The following NDUFAF6 variants were observed in gnomAD, a reference collection of about 807,000 sequenced individuals.
The protein encoded by NDUFAF6 is NADH dehydrogenase (ubiquinone) complex I, assembly factor 6.
In NDUFAF6, 45 loss-of-function variants were observed where a neutral mutation model predicts 40.8. The observed-to-expected ratio is 1.10, with a 90% CI of 0.87 to 1.42. The LOEUF is 1.42. NDUFAF6 is among the 40% of genes most tolerant of loss of function. The pLI is 0.00. For missense variants in NDUFAF6, 435 were observed against 418.5 expected (o/e 1.04, Z -0.34); for synonymous variants, 185 against 155.9 (o/e 1.19, Z -1.39).
chr8:94,988,719 C>G (rs1204529392), intron 2 of NDUFAF6: 1 of 152,204 alleles, frequency 6.6e-6, no homozygotes, highest in African/African-American at 2.4e-5. Flanking sequence ...GCCAGGGGAC[C>G]TGGCTTTGAA....
At chr8:95,060,651 A>G (rs376282154), downstream of NDUFAF6, among the ~76,000 whole-genome samples, 8 of 152,342 alleles carry the variant, frequency 5.3e-5, no homozygotes, top group African/African-American at 1.9e-4. Flanking sequence ...CAGAGATGTT[A>G]AGTTCAAGGT....
At chr8:95,063,495 G>A (rs551753638), downstream of NDUFAF6, among the ~76,000 whole-genome samples, 24 of 152,254 alleles carry the variant, frequency 1.6e-4, no homozygotes, top group South Asian at 4.8e-3. Flanking sequence ...TACTTAGGCG[G>A]CTGAGGTAGG....
intron 1 of NDUFAF6, among the ~76,000 whole-genome samples, chr8:94,979,326 C>T (rs1402399319): frequency 6.6e-6 from 1 of 152,178 alleles, no homozygotes; most frequent in Non-Finnish European, 1.5e-5. Context: ...GAGGTGAGGA[C>T]CTGGGGCTTC....
intron 1 of NDUFAF6, among the ~76,000 whole-genome samples, chr8:94,976,227 G>A (rs1303033394): frequency 4.3e-3 from 4 of 922 alleles, no homozygotes; most frequent in South Asian, 0.17. Flanking sequence ...TGTTTGGGCC[G>A]GGTGGTGGTG....
chr8:94,985,469 A>T (rs528648187), intron 2 of NDUFAF6, among the ~76,000 whole-genome samples: 45 of 1,014 alleles, frequency 0.044, no homozygotes, highest in Non-Finnish European at 0.081. Flanking sequence ...AACAATAATT[A>T]TATATATATA....
At chr8:94,962,835 G>A (rs577920510) in intron 1 of NDUFAF6, among the ~76,000 whole-genome samples, 1 of 147,796 alleles carries the variant, frequency 6.8e-6, no homozygotes, top group African/African-American at 2.5e-5. Flanking sequence ...GTGTTGCCCA[G>A]GCTGGAATGC....
At chr8:94,999,940 G>C (rs1826640672) in intron 2 of NDUFAF6, among the ~76,000 whole-genome samples, 1 of 152,006 alleles carries the variant, frequency 6.6e-6, no homozygotes. Context: ...GGCCAGATGT[G>C]GTGGCTCATA....
chr8:95,087,083 A>ATTTT (rs1351116514), intron 2 of NDUFAF6, among the ~76,000 whole-genome samples: 108 of 150,334 alleles, frequency 7.2e-4, no homozygotes, highest in East Asian at 5.5e-3. Context: ...TTTTTTTTAA[A>ATTTT]AAATTCTGCA....
chr8:94,909,378 A>G, intron 1 of NDUFAF6, among the ~76,000 whole-genome samples: 1 of 76,118 alleles, frequency 1.3e-5, no homozygotes, highest in African/African-American at 4.3e-5. Context: ...AAAAAAAAAA[A>G]AAAACACTTC....
intron 2 of NDUFAF6, among the ~76,000 whole-genome samples, chr8:95,019,522 GC>G (rs1178884643): frequency 1.3e-5 from 2 of 152,144 alleles, no homozygotes; most frequent in African/African-American, 4.8e-5. Context: ...TCGCAGGTAT[GC>G]CCCAGAATGG....
chr8:95,077,506 T>C (rs1165331873), downstream of NDUFAF6, among the ~76,000 whole-genome samples: 1 of 152,242 alleles, frequency 6.6e-6, no homozygotes, highest in Non-Finnish European at 1.5e-5. Context: ...GGATGATTCA[T>C]GTCCCAGGTA....
chr8:95,043,490 A>G lies in NDUFAF6; in HGVS notation c.477+1864A>G, dbSNP rs538639936. ...ATTATTTGCCAGTTATATATCTGATAAGGGACAATTATCTAAAATATGCAA... is the reference window on the plus strand; with the variant it reads ...ATTATTTGCCAGTTATATATCTGATGAGGGACAATTATCTAAAATATGCAA... On this transcript the variant is annotated intron_variant, in intron 4 of 8. Coordinates refer to ENST00000396124, the MANE Select transcript of NDUFAF6 (RefSeq NM_152416.4). 2.0e-5 allele frequency among the ~76,000 whole-genome samples: 3 copies of G among 152,246 alleles called. 1 individual carries two copies. In the East Asian group the frequency reaches 5.8e-4, roughly 29 times the overall value.
intron 8 of NDUFAF6, among the ~76,000 whole-genome samples, chr8:95,052,476 T>C (rs1470383753): frequency 6.6e-6 from 1 of 152,188 alleles, no homozygotes; most frequent in Admixed American, 6.5e-5. Flanking sequence ...TTGAATCTGT[T>C]TTGCCCCTTA....
In NDUFAF6 at chr8:95,035,477, A is replaced by G. The variant is rs1332836264; in HGVS notation, c.321A>G (p.Lys107=). 1.9e-6 allele frequency: 3 copies of G among 1,613,938 alleles called. No homozygotes were observed. The South Asian group carries it at 3.3e-5, about 18-fold the overall frequency. ...AGGTTAAAGACTCAGTCTCTGAGAA[A>G]ACAATTGGACTGATGCGAATGCAGT... ...LAQVKDSVSE[K]TIGLMRMQFW... Residue 107 remains lysine, a synonymous_variant, in exon 3 of 9, where the codon AAA becomes AAG. Transcript: ENST00000396124.
At chr8:95,115,692 A>C (rs1342856156) in exon 5 of NDUFAF6, 1 of 152,208 alleles carries the variant, frequency 6.6e-6, no homozygotes, top group African/African-American at 2.4e-5. Context: ...TATTTCACAT[A>C]CGCGAGCTGT....
intron 2 of NDUFAF6, among the ~76,000 whole-genome samples, chr8:95,089,084 A>C (rs1809159630): frequency 6.6e-6 from 1 of 151,340 alleles, no homozygotes; most frequent in South Asian, 2.1e-4. Flanking sequence ...TTTTTGAGAC[A>C]AGGTCTGGCT....
intron 3 of NDUFAF6, chr8:95,040,991 T>C (rs1460373699): frequency 6.6e-6 from 1 of 152,332 alleles, no homozygotes; most frequent in Non-Finnish European, 1.5e-5. Context: ...GTGGATTATT[T>C]TTGTTGGAGT....
chr8:95,083,979 G>A lies in NDUFAF6; in HGVS notation n.213+8227G>A, dbSNP rs112869748. Among the ~76,000 whole-genome samples, 884 of 152,146 alleles carry A rather than the reference G, an allele frequency of 5.8e-3. 10 individuals are homozygous for A. The highest frequency in any genetic ancestry group is 0.02 in the African/African-American group (847 of 41,516). On this transcript the variant is annotated intron_variant and non_coding_transcript_variant, in intron 2 of 5. Transcript: ENST00000523184. Reference sequence around the variant, plus strand: ...TTTTATCCATGCATCTTAGATTAAGGACTTCTGTTGTAGATAAAATCTGAA... The same window carrying A: ...TTTTATCCATGCATCTTAGATTAAGAACTTCTGTTGTAGATAAAATCTGAA...
chr8:95,054,071 T>C (rs1457517739), intron 8 of NDUFAF6, among the ~76,000 whole-genome samples: 3 of 150,072 alleles, frequency 2.0e-5, no homozygotes, highest in African/African-American at 4.9e-5. Flanking sequence ...GCCTCCCAAA[T>C]AGTTAGGAGC....
Sources: allele counts gnomAD v4.1 joint callset (sites outside exome capture counted in the v4.1 genomes callset), GRCh38; gene constraint gnomAD v4.1.1; transcripts MANE v1.5; gene names NCBI Gene and HGNC (gene_info 2026-07-23, HGNC 2026-07-21).